RSF1: variants seen among roughly 807,000 people sequenced by gnomAD.
RSF1 encodes the protein HBV pX-associated protein 8.
Under a neutral mutation model 145.2 loss-of-function variants are expected in RSF1, and 13 were observed. The ratio of observed to expected loss-of-function variants is 0.09; its 90% CI spans 0.06 to 0.14. The LOEUF (loss-of-function observed/expected upper bound fraction) is 0.14, where lower values mean the gene tolerates loss of function less well. RSF1 is among the 10% of genes least tolerant of loss of function. The pLI, the probability that RSF1 is intolerant of heterozygous loss-of-function variation, is 1.00. For missense variants in RSF1, 1,517 were observed against 1,718.2 expected, an observed-to-expected ratio of 0.88 and a Z score of 2.07; for synonymous variants, 577 against 592.6, an observed-to-expected ratio of 0.97 and a Z score of 0.38.
At chr11:77,747,324 T>A (rs1948012547) in intron 2 of RSF1, among the ~76,000 whole-genome samples, 196 bp from the exon 3 acceptor site, 1 of 152,224 alleles carries the variant, frequency 6.6e-6, no homozygotes, top group African/African-American at 2.4e-5. Flanking sequence ...GATAACTGAA[T>A]TTAAGGTAAG....
intron 1 of RSF1, among the ~76,000 whole-genome samples, chr11:77,771,081 G>C (rs1025461606): frequency 6.6e-6 from 1 of 152,170 alleles, no homozygotes; most frequent in Non-Finnish European, 1.5e-5. Context: ...CGATCATAGA[G>C]AGGAATAAGG....
At chr11:77,832,357 G>T in the RSF1 span, among the ~76,000 whole-genome samples, 2 of 150,062 alleles carry the variant, frequency 1.3e-5, no homozygotes, top group African/African-American at 2.5e-5. Flanking sequence ...ACGGCGTTTC[G>T]CTCTTGTTGC....
chr11:77,660,293 T>A lies in RSF1; in HGVS notation c.*6624A>T, dbSNP rs1053810168. The A allele has an allele frequency of 1.3e-5, 2 of 152,170 alleles. No homozygotes were observed. The highest frequency in any genetic ancestry group is 4.8e-5 in the African/African-American group (2 of 41,448). 9.4% of individuals were successfully genotyped at this position (152,170 alleles called of 1,614,324 possible). On this transcript the variant is annotated 3_prime_UTR_variant, in exon 16 of 16. Coordinates refer to ENST00000308488, the MANE Select transcript of RSF1 (RefSeq NM_016578.4). ...CACTGCAATTCTAACACACTAGGTG[T>A]TCATACACTGAAGTTAACCCCTGAA...
At chr11:77,675,364 T>C (rs1959674213) in intron 13 of RSF1, 108 bp from the exon 14 acceptor site, 3 of 761,990 alleles carry the variant, frequency 3.9e-6, no homozygotes, top group East Asian at 2.7e-5. Flanking sequence ...TTAAGTATAG[T>C]GCAACATATC....
At chr11:77,777,000 A>C (rs1258661307) in intron 1 of RSF1, among the ~76,000 whole-genome samples, 1 of 152,152 alleles carries the variant, frequency 6.6e-6, no homozygotes. Flanking sequence ...TGGTGACACT[A>C]AACCATTTTT....
At chr11:77,781,734 T>C (rs1948406641) in intron 1 of RSF1, among the ~76,000 whole-genome samples, 1 of 152,232 alleles carries the variant, frequency 6.6e-6, no homozygotes, top group Admixed American at 6.5e-5. Flanking sequence ...ATATTCCGAA[T>C]GATTTTGTCT....
At chr11:77,690,394 C>A (rs1340283051) in intron 9 of RSF1, among the ~76,000 whole-genome samples, 3 of 152,108 alleles carry the variant, frequency 2.0e-5, no homozygotes, top group Non-Finnish European at 4.4e-5. Flanking sequence ...TATGGACATA[C>A]CCTCCACAAT....
In RSF1 at chr11:77,698,697, G is replaced by C. The variant is rs1488145288; in HGVS notation, c.2509-4C>G. The C allele has an allele frequency of 1.9e-6, 3 of 1,610,198 alleles. No individual in the cohort carries two copies. The East Asian group carries it at 6.7e-5, about 36-fold the overall frequency. ...GAACTTTGCCTTTGGGTTTTACCTTGTATAAAATAAAAAAAATTGGGATAA... is the reference window on the plus strand; with the variant it reads ...GAACTTTGCCTTTGGGTTTTACCTTCTATAAAATAAAAAAAATTGGGATAA... On this transcript the variant is annotated splice_region_variant and splice_polypyrimidine_tract_variant and intron_variant, in intron 6 of 15. Coordinates refer to ENST00000308488, the MANE Select transcript of RSF1 (RefSeq NM_016578.4).
intron 1 of RSF1, among the ~76,000 whole-genome samples, chr11:77,799,791 C>T (rs1262277705): frequency 2.0e-5 from 3 of 152,046 alleles, no homozygotes; most frequent in Non-Finnish European, 4.4e-5. Flanking sequence ...AAATAGAAGA[C>T]TCAAGTTTCC....
At chr11:77,832,947 ATATATGTGTGTGTGTG>A in the RSF1 span, among the ~76,000 whole-genome samples, 1 of 83,698 alleles carries the variant, frequency 1.2e-5, no homozygotes, top group African/African-American at 5.7e-5. Context: ...TATTGTATAT[ATATATGTGTGTGTGTG>A]TGTGTGTGTG....
At chr11:77,806,596 A>T (rs1205762792) in intron 1 of RSF1, among the ~76,000 whole-genome samples, 1 of 152,056 alleles carries the variant, frequency 6.6e-6, no homozygotes, top group African/African-American at 2.4e-5. Context: ...CAGGAAGATC[A>T]CTTGAGTCCA....
intron 1 of RSF1, among the ~76,000 whole-genome samples, chr11:77,787,082 A>C (rs1948463971): frequency 6.6e-6 from 1 of 152,178 alleles, no homozygotes; most frequent in Non-Finnish European, 1.5e-5. Flanking sequence ...GGAAATTTGC[A>C]GAGTCCCTCT....
At chr11:77,745,214 A>G (rs756373939) in intron 3 of RSF1, among the ~76,000 whole-genome samples, 2 of 152,186 alleles carry the variant, frequency 1.3e-5, no homozygotes, top group Middle Eastern at 3.4e-3. Flanking sequence ...ATCTTCTCAA[A>G]AACCAACTCT....
intron 1 of RSF1, among the ~76,000 whole-genome samples, chr11:77,796,682 G>GA (rs1445864639): frequency 6.6e-6 from 1 of 152,072 alleles, no homozygotes; most frequent in African/African-American, 2.4e-5. Context: ...CAGAAAGAAA[G>GA]AAAGGGTATT....
the RSF1 span, among the ~76,000 whole-genome samples, chr11:77,853,146 G>T: frequency 6.6e-6 from 1 of 152,158 alleles, no homozygotes; most frequent in Non-Finnish European, 1.5e-5. Flanking sequence ...CCGTATTTTA[G>T]TATTACTAAC....
At chr11:77,850,489 C>T in the RSF1 span, 1 of 152,036 alleles carries the variant, frequency 6.6e-6, no homozygotes, top group Non-Finnish European at 1.5e-5. Flanking sequence ...TGGAAACATG[C>T]ATAGATCATC....
In RSF1 at chr11:77,702,219, T is replaced by G. The variant is rs949516280; in HGVS notation, c.1010A>C (p.Lys337Thr). 3 of 1,613,992 alleles carry G rather than the reference T, an allele frequency of 1.9e-6. No individual in the cohort carries two copies. The highest frequency in any genetic ancestry group is 1.1e-5 in the South Asian group (1 of 91,024). ...TGCCACTGGCTTCTCCATGCTACTT[T>G]TGGTATCTTTAGGATCTGCTCTACA... ...KECRADPKDT[K>T]SSMEKPVAQE... The change falls in exon 6 of 16, where the codon AAA becomes ACA. Residue 337 changes from lysine (K) to threonine (T), a missense_variant. Lys to Thr is a moderately conservative substitution (Grantham distance 78). Transcript: ENST00000308488.
intron 1 of RSF1, among the ~76,000 whole-genome samples, chr11:77,778,043 G>A (rs1192725124): frequency 1.2e-5 from 1 of 86,108 alleles, no homozygotes; most frequent in African/African-American, 4.6e-5. Flanking sequence ...GAGGCATAAG[G>A]ATGGCTTGAG....
chr11:77,685,843 T>C (rs17135810), intron 9 of RSF1, among the ~76,000 whole-genome samples: 1 of 152,154 alleles, frequency 6.6e-6, no homozygotes, highest in African/African-American at 2.4e-5. Context: ...TTTAGTAATA[T>C]TTTGGGTGTA....
Sources: gnomAD v4.1 joint callset for allele counts (sites outside exome capture counted in the v4.1 genomes callset) on GRCh38, gnomAD v4.1.1 for gene constraint, MANE v1.5 for transcripts, NCBI Gene and HGNC (gene_info 2026-07-23, HGNC 2026-07-21) for gene names.